GALK1: variants seen among roughly 807,000 people sequenced by gnomAD.
GALK1 encodes the protein galactokinase 1.
In GALK1, 30 loss-of-function variants were observed where a neutral mutation model predicts 38.6. That is an observed-to-expected ratio of 0.78 (90% confidence interval 0.58 to 1.05). GALK1 has a LOEUF of 1.05. Among genes scored for constraint, GALK1 ranks in the 50% least tolerant of loss-of-function variants. The pLI is 0.00. For missense variants in GALK1, 512 were observed against 540.5 expected, an observed-to-expected ratio of 0.95 and a Z score of 0.52; for synonymous variants, 240 against 233.6, an observed-to-expected ratio of 1.03 and a Z score of -0.25.
chr17:75,762,541 GC>G (rs1294917887), intron 5 of GALK1, among the ~76,000 whole-genome samples, 162 bp downstream of exon 5: 1 of 152,188 alleles, frequency 6.6e-6, no homozygotes, highest in African/African-American at 2.4e-5. Flanking sequence ...ATTTCAAGCA[GC>G]CCTGCTGAGA....
downstream of GALK1, chr17:75,755,709 C>G (rs1291404509): frequency 6.2e-7 from 1 of 1,612,868 alleles, no homozygotes; most frequent in Non-Finnish European, 8.5e-7. Flanking sequence ...AGACTCTCGC[C>G]TGACTGCTGG....
chr17:75,752,119 T>C (rs1334714144), intron 8 of GALK1: 2 of 1,569,108 alleles, frequency 1.3e-6, no homozygotes, highest in Admixed American at 3.3e-5. Flanking sequence ...TCAGGGGTGG[T>C]GTTGGGACCA....
intron 5 of GALK1, among the ~76,000 whole-genome samples, chr17:75,760,280 A>G (rs1408393950): frequency 8.6e-5 from 13 of 151,850 alleles, no homozygotes; most frequent in Admixed American, 8.5e-4. Flanking sequence ...TTCTTTAGAG[A>G]TGGGGTTTTG....
Position 75,763,115 on chromosome 17 carries a change from A to T in GALK1, c.510T>A (p.Cys170Ter), listed in dbSNP as rs775843885. 1.2e-6 allele frequency: 2 copies of T among 1,612,300 alleles called. No individual in the cohort carries two copies. Among genetic ancestry groups the T allele is most frequent in the Non-Finnish European group, 1.7e-6 (2 of 1,179,998 alleles). ...SGTIAARAQVCQQAEHSFAGM... is the reference protein window; with the variant it reads ...SGTIAARAQV ...CTGCGAAGCTGTGCTCGGCCTGCTGACACACCTGGGCGCGGGCAGCTATTG... is the reference window on the plus strand; with the variant it reads ...CTGCGAAGCTGTGCTCGGCCTGCTGTCACACCTGGGCGCGGGCAGCTATTG... Residue 170 changes from cysteine to a stop codon, truncating the protein, a stop_gained, in exon 4 of 8, where the codon TGT becomes TGA. Coordinates refer to ENST00000588479, the MANE Select transcript of GALK1 (RefSeq NM_000154.2). LOFTEE classifies it high-confidence loss of function.
chr17:75,763,290 G>T, intron 3 of GALK1, 30 bp downstream of exon 3: 1 of 1,613,936 alleles, frequency 6.2e-7, no homozygotes, highest in Non-Finnish European at 8.5e-7. Flanking sequence ...GGGAAGGAGG[G>T]CTGGGTCAGG....
At position 75,762,786 on chromosome 17, in the gene GALK1, A is replaced by T; in HGVS notation, c.711T>A (p.Pro237=). Residue 237 remains proline, a synonymous_variant, in exon 5 of 8, where the codon CCT becomes CCA. Coordinates refer to ENST00000588479, the MANE Select transcript of GALK1 (RefSeq NM_000154.2). ...VRHSLASSEY[P]VRRRQCEEVA... ...CTTCTTCACATTGGCGCCGCCGCAC[A>T]GGGTACTCGCTGGAGGCCAGGGAGT... is the stretch of plus-strand genomic sequence containing the variant. 1 of 1,613,914 alleles carries T rather than the reference A, an allele frequency of 6.2e-7. No homozygotes were observed. The highest frequency in any genetic ancestry group is 8.5e-7 in the Non-Finnish European group (1 of 1,180,008).
chr17:75,756,580 C>T, downstream of GALK1: 1 of 1,613,020 alleles, frequency 6.2e-7, no homozygotes. Context: ...CCATTGAATC[C>T]CAGGTGCACC....
At chr17:75,754,369 G>A (rs2061438305), downstream of GALK1, 2 of 627,824 alleles carry the variant, frequency 3.2e-6, no homozygotes, top group Non-Finnish European at 5.6e-6. Context: ...TGGCCGGCCA[G>A]AGGATATGGG....
downstream of GALK1, chr17:75,755,667 G>T: frequency 6.2e-7 from 1 of 1,611,798 alleles, no homozygotes. Context: ...CCTAGCCCCT[G>T]CATCTCTGGC....
downstream of GALK1, chr17:75,756,682 G>A (rs184326421): frequency 7.7e-5 from 124 of 1,613,344 alleles, no homozygotes; most frequent in African/African-American, 1.5e-3. Flanking sequence ...ACAGGCTGAT[G>A]CTCTTCCTCT....
At chr17:75,753,675 C>A (rs1277067295), downstream of GALK1, 1 of 857,940 alleles carries the variant, frequency 1.2e-6, no homozygotes, top group Non-Finnish European at 1.6e-6. Context: ...AGACGGGCTC[C>A]CCTCGCAGAG....
intron 7 of GALK1, 21 bp from the exon 8 acceptor site, chr17:75,758,148 G>T (rs532337789): frequency 1.2e-6 from 2 of 1,612,208 alleles, no homozygotes; most frequent in East Asian, 2.2e-5. Flanking sequence ...CGGGCTGGGG[G>T]TGAGTGGCAG....
At chr17:75,762,132 T>G (rs907805399) in intron 5 of GALK1, among the ~76,000 whole-genome samples, 2 of 152,154 alleles carry the variant, frequency 1.3e-5, no homozygotes, top group South Asian at 4.1e-4. Context: ...AGGATCAGCC[T>G]GGGCAACACT....
In GALK1 at chr17:75,752,520, G is replaced by A. The variant is rs769852038; in HGVS notation, c.*23-783C>T. ...CTACGACAGCTTCCTTATGTACAGC[G>A]ATGACGTTCTACGCTCTCCATCGGG... is the stretch of plus-strand genomic sequence containing the variant. On this transcript the variant is annotated intron_variant, in intron 8 of 8. Coordinates refer to the GALK1 transcript ENST00000225614. 63 of 1,613,708 alleles carry A rather than the reference G, an allele frequency of 3.9e-5. No individual in the cohort carries two copies. In the African/African-American group the frequency reaches 4.4e-4, roughly 11 times the overall value.
chr17:75,761,511 G>A (rs1402442453), intron 5 of GALK1, among the ~76,000 whole-genome samples: 1 of 150,772 alleles, frequency 6.6e-6, no homozygotes, highest in African/African-American at 2.4e-5. Flanking sequence ...CAGCTACTCA[G>A]GAAGCTAAGG....
downstream of GALK1, chr17:75,757,245 C>T (rs140577812): frequency 3.4e-4 from 551 of 1,611,964 alleles, no homozygotes; most frequent in Non-Finnish European, 4.1e-4. Context: ...TTCCAGCACC[C>T]GCTGCAAAGC....
intron 5 of GALK1, among the ~76,000 whole-genome samples, chr17:75,760,208 C>T (rs746788048): frequency 3.3e-5 from 5 of 151,952 alleles, no homozygotes; most frequent in Admixed American, 6.6e-5. Flanking sequence ...ATCCTCCCAC[C>T]CCAGCCTCCT....
intron 5 of GALK1, among the ~76,000 whole-genome samples, chr17:75,761,698 T>A (rs1444096796): frequency 1.6e-5 from 2 of 126,730 alleles, no homozygotes; most frequent in South Asian, 2.5e-4. Context: ...GGGTTCTGGG[T>A]TCTGAGATTA....
downstream of GALK1, chr17:75,756,555 GTGAGGGTGTCATCACC>G: frequency 6.2e-7 from 1 of 1,613,184 alleles, no homozygotes; most frequent in Middle Eastern, 1.6e-4. Flanking sequence ...GGCCGAGAGC[GTGAGGGTGTCATCACC>G]ATTGAATCCC....
Sources: gnomAD v4.1 joint callset for allele counts (sites outside exome capture counted in the v4.1 genomes callset) on GRCh38, gnomAD v4.1.1 for gene constraint, MANE v1.5 for transcripts, NCBI Gene and HGNC (gene_info 2026-07-23, HGNC 2026-07-21) for gene names.